Variants in SMG6 observed in about 807,000 individuals in gnomAD.
SMG6 encodes telomerase-binding protein EST1A.
Under a neutral mutation model 142.2 loss-of-function variants are expected in SMG6, and 66 were observed. The ratio of observed to expected loss-of-function variants is 0.46; its 90% CI spans 0.38 to 0.57. SMG6 has a LOEUF of 0.57. Among genes scored for constraint, SMG6 ranks in the 20% least tolerant of loss-of-function variants. The pLI, the probability that SMG6 is intolerant of heterozygous loss-of-function variation, is 0.00. For synonymous variants in SMG6, 779 were observed against 702.4 expected (o/e 1.11, Z -1.72); for missense variants, 1,793 against 1,832.0 (o/e 0.98, Z 0.39).
intron 13 of SMG6, among the ~76,000 whole-genome samples, chr17:2,113,546 G>A (rs779383384): frequency 2.0e-5 from 3 of 152,148 alleles, no homozygotes; most frequent in Non-Finnish European, 4.4e-5. Context: ...TTCTTAAATG[G>A]GTCTCTGGGT....
At chr17:2,164,231 T>C (rs147218151) in intron 13 of SMG6, among the ~76,000 whole-genome samples, 6,697 of 151,278 alleles carry the variant, frequency 0.044, 247 homozygotes, top group Non-Finnish European at 0.057. Context: ...GAGACCAGCT[T>C]GGCCAACATG....
Position 2,068,702 on chromosome 17 carries a change from C to G in SMG6, c.3835+76G>C. 1 of 1,501,320 alleles carries G rather than the reference C, an allele frequency of 6.7e-7. No individual in the cohort carries two copies. Among genetic ancestry groups the G allele is most frequent in the South Asian group, 1.2e-5 (1 of 80,092 alleles). 93.0% of individuals were successfully genotyped at this position (1,501,320 alleles called of 1,614,324 possible). A position where few individuals can be genotyped will look rare whatever the true frequency, so the allele number is the denominator to read the frequency against. On this transcript the variant is annotated intron_variant, in intron 16 of 18. Coordinates refer to ENST00000263073, the MANE Select transcript of SMG6 (RefSeq NM_017575.5). This position sits in a 1 kb window ranked among gnomAD's most constrained non-coding sequence, Gnocchi z 6.7. ...CACAGCAGGGCTCTGCCTGCCTGGC[C>G]CCCAGGCCGTGGGGCGTGTGTGGAG...
At chr17:2,238,713 C>G (rs2073730236) in intron 9 of SMG6, among the ~76,000 whole-genome samples, 1 of 152,214 alleles carries the variant, frequency 6.6e-6, no homozygotes, top group African/African-American at 2.4e-5. Flanking sequence ...GAGGAAGCCT[C>G]TTCCCTGGAG....
At chr17:2,176,561 T>C (rs2071657851) in intron 12 of SMG6, among the ~76,000 whole-genome samples, 1 of 151,996 alleles carries the variant, frequency 6.6e-6, no homozygotes, top group South Asian at 2.1e-4. Context: ...AAAGTTAGGG[T>C]GGACTGTTCA....
chr17:2,161,475 G>A (rs912452607), intron 13 of SMG6, among the ~76,000 whole-genome samples: 10 of 150,968 alleles, frequency 6.6e-5, no homozygotes, highest in South Asian at 2.1e-4. Context: ...GCAATGGTGC[G>A]ACCTCGGCTC....
At chr17:2,230,332 AAAAAG>A (rs1182320141) in intron 10 of SMG6, among the ~76,000 whole-genome samples, 426 of 28,972 alleles carry the variant, frequency 0.015, 68 homozygotes, top group African/African-American at 0.04. Flanking sequence ...AAAAAAAAAA[AAAAAG>A]GGAAAACCAC....
At chr17:2,286,405 G>A (rs1346020458) in intron 6 of SMG6, among the ~76,000 whole-genome samples, 1 of 151,154 alleles carries the variant, frequency 6.6e-6, no homozygotes, top group Non-Finnish European at 1.5e-5. Flanking sequence ...ACTGGCATGA[G>A]GACTGACATA....
At chr17:2,253,271 A>T (rs2151317802) in intron 8 of SMG6, among the ~76,000 whole-genome samples, 1 of 152,094 alleles carries the variant, frequency 6.6e-6, no homozygotes, top group Admixed American at 6.5e-5. Flanking sequence ...CCTCCTGAGC[A>T]GCTGGGACTA....
chr17:2,271,407 A>T (rs1210876916), intron 8 of SMG6, among the ~76,000 whole-genome samples: 3 of 151,586 alleles, frequency 2.0e-5, no homozygotes, highest in Non-Finnish European at 1.5e-5. Context: ...AGGAGTTTGA[A>T]ACCAGCCTAT....
intron 13 of SMG6, among the ~76,000 whole-genome samples, chr17:2,112,412 G>A (rs1246862105): frequency 1.3e-5 from 2 of 151,720 alleles, no homozygotes; most frequent in East Asian, 1.9e-4. Context: ...GGAGGCTGAG[G>A]CAGGAGAATG....
chr17:2,240,252 C>T (rs1435053447), intron 9 of SMG6: 1 of 152,224 alleles, frequency 6.6e-6, no homozygotes, highest in African/African-American at 2.4e-5. Context: ...ACCAATCTTT[C>T]AGACAACACC....
intron 8 of SMG6, among the ~76,000 whole-genome samples, chr17:2,269,282 T>C (rs1477858330): frequency 1.3e-5 from 2 of 148,444 alleles, no homozygotes; most frequent in African/African-American, 5.0e-5. Context: ...TCCCAGCTAC[T>C]TGGCAGGCTG....
Position 2,128,833 on chromosome 17 carries a change from A to AAAAG in SMG6, c.3358-42933_3358-42932insCTTT, listed in dbSNP as rs994810334. On this transcript the variant is annotated intron_variant, in intron 13 of 18. Transcript: ENST00000263073. The stretch of plus-strand genomic sequence containing the variant: ...AGCAAGACTCAAAAAAAAAAAAAAA[A>AAAAG]AGAGAGAGAGAGAAAGAAAGAAAGA... Among the ~76,000 whole-genome samples, 448 of 149,080 alleles carry AAAAG rather than the reference A, an allele frequency of 3.0e-3. 2 individuals carry two copies. The highest frequency in any genetic ancestry group is 0.01 in the African/African-American group (423 of 40,704).
At chr17:2,105,083 A>ATTTTTTT (rs549898049) in intron 13 of SMG6, among the ~76,000 whole-genome samples, 86 of 103,148 alleles carry the variant, frequency 8.3e-4, no homozygotes, top group African/African-American at 2.1e-3. Context: ...CACCCAGCTA[A>ATTTTTTT]TTTTTTTTTT....
intron 13 of SMG6, among the ~76,000 whole-genome samples, chr17:2,109,299 T>C (rs1202691859): frequency 6.6e-6 from 1 of 152,186 alleles, no homozygotes; most frequent in Non-Finnish European, 1.5e-5. Context: ...AGACTTGCTT[T>C]GTCACCCAGG....
intron 13 of SMG6, among the ~76,000 whole-genome samples, chr17:2,126,225 TA>T (rs939941075): frequency 6.6e-6 from 1 of 151,930 alleles, no homozygotes; most frequent in African/African-American, 2.4e-5. Context: ...AAAAAGAGCT[TA>T]AAAAAACCTG....
intron 8 of SMG6, among the ~76,000 whole-genome samples, chr17:2,271,438 G>T (rs1030294314): frequency 4.0e-5 from 6 of 151,550 alleles, no homozygotes; most frequent in African/African-American, 1.5e-4. Flanking sequence ...AAGCAGCCAG[G>T]CATGGTGGCT....
chr17:2,111,359 T>G (rs1184017412), intron 13 of SMG6, among the ~76,000 whole-genome samples: 1 of 152,126 alleles, frequency 6.6e-6, no homozygotes, highest in Non-Finnish European at 1.5e-5. Flanking sequence ...AAGGTAATAT[T>G]TGATCAGACT....
intron 8 of SMG6, among the ~76,000 whole-genome samples, chr17:2,257,544 G>A (rs1027939583): frequency 1.3e-5 from 2 of 152,000 alleles, no homozygotes; most frequent in African/African-American, 4.8e-5. Flanking sequence ...TAAGTGAGTG[G>A]GCAAAAAGAG....
Sources: allele counts gnomAD v4.1 joint callset (sites outside exome capture counted in the v4.1 genomes callset), GRCh38; gene constraint gnomAD v4.1.1; non-coding constraint Gnocchi (gnomAD v3.1); transcripts MANE v1.5; gene names NCBI Gene and HGNC (gene_info 2026-07-23, HGNC 2026-07-21).